FBXO36: variants seen among roughly 807,000 people sequenced by gnomAD.
The protein encoded by FBXO36 is F-box only protein 36.
In FBXO36, 18 loss-of-function variants were observed where a neutral mutation model predicts 17.0. That is an observed-to-expected ratio of 1.06 (90% confidence interval 0.73 to 1.57). The LOEUF (loss-of-function observed/expected upper bound fraction) is 1.57. Ranked by LOEUF, FBXO36 falls within the 40% of genes most tolerant of loss-of-function variation. The probability of loss-of-function intolerance (pLI) is 0.00; values close to 1 mark genes in which losing one functional copy is unlikely to be tolerated. For synonymous variants in FBXO36, 83 were observed against 85.3 expected, an observed-to-expected ratio of 0.97 and a Z score of 0.15; for missense variants, 229 against 221.9, an observed-to-expected ratio of 1.03 and a Z score of -0.20.
intron 1 of FBXO36, among the ~76,000 whole-genome samples, chr2:229,958,216 AT>A (rs35419532): frequency 2.2e-5 from 3 of 136,000 alleles, no homozygotes; most frequent in Non-Finnish European, 3.1e-5. Flanking sequence ...GACCTTTACA[AT>A]TTTTTTTTGT....
chr2:229,928,797 C>T (rs1043413811), intron 1 of FBXO36, among the ~76,000 whole-genome samples: 5 of 152,068 alleles, frequency 3.3e-5, no homozygotes, highest in Non-Finnish European at 5.9e-5. Flanking sequence ...GAATCTCATT[C>T]TGTCCCCCAG....
intron 1 of FBXO36, among the ~76,000 whole-genome samples, chr2:229,934,886 C>T (rs1577327436): frequency 6.6e-6 from 1 of 152,284 alleles, no homozygotes; most frequent in East Asian, 1.9e-4. Context: ...AACTCCTGAC[C>T]ACAGCCTCTC....
chr2:229,935,597 C>G (rs2106157177), intron 1 of FBXO36, among the ~76,000 whole-genome samples: 1 of 152,072 alleles, frequency 6.6e-6, no homozygotes, highest in Non-Finnish European at 1.5e-5. Context: ...TGCTTTTTTT[C>G]TGAATTTGGT....
chr2:229,932,611 G>A (rs1250751251), intron 1 of FBXO36, among the ~76,000 whole-genome samples: 2 of 152,032 alleles, frequency 1.3e-5, no homozygotes, highest in East Asian at 3.9e-4. Flanking sequence ...CTGAGAGATG[G>A]AGGTTGCAGT....
intron 2 of FBXO36, among the ~76,000 whole-genome samples, chr2:229,995,894 G>C (rs185183596): frequency 6.6e-6 from 1 of 151,108 alleles, no homozygotes; most frequent in Non-Finnish European, 1.5e-5. Flanking sequence ...GCCCAGCCCT[G>C]TTCCTATTTT....
At chr2:229,970,468 C>T (rs914062946) in intron 1 of FBXO36, among the ~76,000 whole-genome samples, 1 of 152,184 alleles carries the variant, frequency 6.6e-6, no homozygotes, top group Non-Finnish European at 1.5e-5. Flanking sequence ...GAAGAGTGCA[C>T]TTTTAACCTA....
At chr2:229,971,125 G>A (rs1047605762) in intron 1 of FBXO36, among the ~76,000 whole-genome samples, 2 of 152,008 alleles carry the variant, frequency 1.3e-5, no homozygotes, top group South Asian at 2.1e-4. Flanking sequence ...AGGCCGAGGC[G>A]GGCAGATCAC....
At chr2:229,947,906 C>G (rs921797897) in intron 1 of FBXO36, among the ~76,000 whole-genome samples, 2 of 152,156 alleles carry the variant, frequency 1.3e-5, no homozygotes, top group African/African-American at 4.8e-5. Context: ...GATTCAACAT[C>G]AAGAGTGAAG....
chr2:229,977,061 GTA>G (rs1384361276), intron 2 of FBXO36: 1 of 152,108 alleles, frequency 6.6e-6, no homozygotes, highest in East Asian at 1.9e-4. Flanking sequence ...TTTCTGACTG[GTA>G]AAGTCTCTGG....
intron 2 of FBXO36, among the ~76,000 whole-genome samples, chr2:229,994,239 G>C (rs1348925193): frequency 6.6e-6 from 1 of 152,042 alleles, no homozygotes; most frequent in African/African-American, 2.4e-5. Flanking sequence ...GTGGGCAGAG[G>C]ATCTTCACAA....
chr2:229,956,571 G>C (rs1441082269), intron 1 of FBXO36, among the ~76,000 whole-genome samples: 1 of 152,172 alleles, frequency 6.6e-6, no homozygotes, highest in East Asian at 1.9e-4. Flanking sequence ...AAGAACAGGT[G>C]ACAACTCGTG....
chr2:229,987,211 C>CAA (rs78504298), intron 2 of FBXO36, among the ~76,000 whole-genome samples: 11 of 90,742 alleles, frequency 1.2e-4, no homozygotes, highest in African/African-American at 3.3e-4. Context: ...GACTCCATCT[C>CAA]AAAAAAAAAA....
intron 1 of FBXO36, among the ~76,000 whole-genome samples, chr2:229,926,616 A>T (rs1277993412): frequency 6.7e-6 from 1 of 150,230 alleles, no homozygotes; most frequent in Non-Finnish European, 1.5e-5. Flanking sequence ...TGGTAGCATG[A>T]GCCTGTAATC....
chr2:229,952,728 C>T (rs1577337732), intron 1 of FBXO36, among the ~76,000 whole-genome samples: 1 of 152,150 alleles, frequency 6.6e-6, no homozygotes, highest in Non-Finnish European at 1.5e-5. Context: ...CATTAGGCAC[C>T]TTATTCTGCA....
At chr2:229,942,819 G>A (rs549655812) in intron 1 of FBXO36, 6 of 152,356 alleles carry the variant, frequency 3.9e-5, no homozygotes, top group Non-Finnish European at 8.8e-5. Context: ...CCCTGTTTGG[G>A]AGCTTTTTCC....
chr2:229,931,771 G>A (rs992104670), intron 1 of FBXO36, among the ~76,000 whole-genome samples: 1 of 152,140 alleles, frequency 6.6e-6, no homozygotes, highest in African/African-American at 2.4e-5. Context: ...CCTGGGAGGT[G>A]GAAGTTGCAG....
intron 1 of FBXO36, among the ~76,000 whole-genome samples, chr2:229,958,157 T>C (rs2077099868): frequency 6.6e-6 from 1 of 151,782 alleles, no homozygotes; most frequent in African/African-American, 2.4e-5. Flanking sequence ...ATTGTACTAA[T>C]GCAAATTAAA....
intron 1 of FBXO36, among the ~76,000 whole-genome samples, chr2:229,965,123 C>T (rs374428664): frequency 1.0e-4 from 15 of 148,786 alleles, no homozygotes; most frequent in Admixed American, 6.1e-4. Flanking sequence ...TTTTTTAATA[C>T]GCAGACCCTT....
At chr2:230,001,134 C>T (rs2077356360) in intron 3 of FBXO36, among the ~76,000 whole-genome samples, 8 of 152,160 alleles carry the variant, frequency 5.3e-5, no homozygotes, top group Admixed American at 5.2e-4. Context: ...GTTGAGATTA[C>T]AGGCGTGAGC....
Sources: allele counts gnomAD v4.1 joint callset (sites outside exome capture counted in the v4.1 genomes callset), GRCh38; gene constraint gnomAD v4.1.1; transcripts MANE v1.5; gene names NCBI Gene and HGNC (gene_info 2026-07-23, HGNC 2026-07-21).